The following CSMD1 variants were observed in gnomAD, a reference collection of about 807,000 sequenced individuals.
The protein encoded by CSMD1 is CUB and Sushi multiple domains 1, also known as CUB and sushi domain-containing protein 1.
Under a neutral mutation model 417.5 loss-of-function variants are expected in CSMD1, and 213 were observed. That is an observed-to-expected ratio of 0.51 (90% CI 0.46 to 0.57). The LOEUF (loss-of-function observed/expected upper bound fraction) is 0.57, where lower values mean the gene tolerates loss of function less well. CSMD1 is among the 20% of genes least tolerant of loss of function. The probability of loss-of-function intolerance (pLI) is 0.00; values close to 1 mark genes in which losing one functional copy is unlikely to be tolerated. For synonymous variants in CSMD1, 2,862 were observed against 1,736.8 expected (o/e 1.65, Z -16.11); for missense variants, 6,923 against 4,529.7 (o/e 1.53, Z -15.17).
At chr8:4,559,320 G>T (rs1296572546) in intron 2 of CSMD1, among the ~76,000 whole-genome samples, 2 of 152,066 alleles carry the variant, frequency 1.3e-5, no homozygotes, top group Non-Finnish European at 2.9e-5. Context: ...AATTACAGAT[G>T]ATTTAATTTT....
chr8:3,574,934 C>T lies in CSMD1; in HGVS notation c.1344+11G>A, dbSNP rs766346124. 6.5e-5 allele frequency: 104 copies of T among 1,610,920 alleles called. 1 individual carries two copies. The South Asian group carries it at 9.1e-4, about 14-fold the overall frequency. ...GTGCATTAACCACAGGGGTTGGAGG[C>T]GGAGCCTTACCTTGTCCGGGTCGGT... On this transcript the variant is annotated intron_variant, in intron 10 of 69. Transcript: ENST00000635120.
intron 37 of CSMD1, among the ~76,000 whole-genome samples, chr8:3,177,310 G>T (rs146143193): frequency 1.6e-3 from 244 of 152,298 alleles, no homozygotes; most frequent in African/African-American, 5.2e-3. Context: ...TAGGGGCACA[G>T]CTGGAGGCCA....
intron 3 of CSMD1, among the ~76,000 whole-genome samples, chr8:4,283,115 C>G (rs1287846888): frequency 1.3e-5 from 2 of 152,092 alleles, no homozygotes; most frequent in African/African-American, 4.8e-5. Context: ...GAAATTACTA[C>G]CAGTAATCAT....
intron 7 of CSMD1, among the ~76,000 whole-genome samples, chr8:3,692,259 T>C (rs1413562127): frequency 6.6e-6 from 1 of 152,144 alleles, no homozygotes; most frequent in African/African-American, 2.4e-5. Flanking sequence ...GTCGCTATCC[T>C]GCGATTTCAC....
At chr8:3,310,418 C>T (rs2117408244) in intron 23 of CSMD1, among the ~76,000 whole-genome samples, 1 of 152,260 alleles carries the variant, frequency 6.6e-6, no homozygotes, top group African/African-American at 2.4e-5. Context: ...TGGGGATGAC[C>T]ACCAGCAAAC....
chr8:4,177,947 C>T (rs1373096201), intron 3 of CSMD1, among the ~76,000 whole-genome samples: 5 of 152,188 alleles, frequency 3.3e-5, no homozygotes, highest in South Asian at 2.1e-4. Flanking sequence ...AATAGCTTAT[C>T]AACCAAAAAG....
At chr8:3,344,442 C>T (rs905995425) in intron 22 of CSMD1, among the ~76,000 whole-genome samples, 3 of 152,000 alleles carry the variant, frequency 2.0e-5, no homozygotes, top group Non-Finnish European at 2.9e-5. Context: ...CACACGTATC[C>T]CAGAGCTTAA....
At chr8:4,599,527 A>G (rs969281375) in intron 2 of CSMD1, among the ~76,000 whole-genome samples, 4 of 151,906 alleles carry the variant, frequency 2.6e-5, no homozygotes, top group African/African-American at 9.7e-5. Flanking sequence ...TTTTTACACT[A>G]AGTGCACAAT....
intron 3 of CSMD1, among the ~76,000 whole-genome samples, chr8:4,303,697 C>G (rs1798104460): frequency 6.6e-6 from 1 of 151,678 alleles, no homozygotes; most frequent in Admixed American, 6.6e-5. Context: ...GCTCTCTTGC[C>G]CAGACTGGAG....
intron 1 of CSMD1, among the ~76,000 whole-genome samples, chr8:4,673,461 G>A (rs547740908): frequency 3.9e-5 from 6 of 152,022 alleles, no homozygotes; most frequent in Non-Finnish European, 8.8e-5. Context: ...GATATCATTG[G>A]CCACATTATC....
chr8:4,277,778 C>T (rs1026847487), intron 3 of CSMD1, among the ~76,000 whole-genome samples: 2 of 152,162 alleles, frequency 1.3e-5, no homozygotes, highest in Admixed American at 1.3e-4. Context: ...GACGGAGTCT[C>T]ACTCTGTTGC....
At chr8:3,941,327 T>G (rs1810868237) in intron 5 of CSMD1, among the ~76,000 whole-genome samples, 1 of 152,114 alleles carries the variant, frequency 6.6e-6, no homozygotes, top group African/African-American at 2.4e-5. Context: ...CCTATGCCAT[T>G]TACAACTTTT....
At chr8:3,762,386 GC>G (rs1798056006) in intron 5 of CSMD1, among the ~76,000 whole-genome samples, 1 of 152,182 alleles carries the variant, frequency 6.6e-6, no homozygotes, top group Admixed American at 6.5e-5. Flanking sequence ...CTAAGATCAG[GC>G]AGCTCCTCCT....
intron 3 of CSMD1, among the ~76,000 whole-genome samples, chr8:4,082,001 A>AT (rs1800161821): frequency 6.6e-6 from 1 of 152,154 alleles, no homozygotes; most frequent in African/African-American, 2.4e-5. Flanking sequence ...ATAGGAAAAA[A>AT]ATATATAAAA....
At chr8:3,697,464 A>C (rs1031384132) in intron 7 of CSMD1, among the ~76,000 whole-genome samples, 2 of 152,194 alleles carry the variant, frequency 1.3e-5, no homozygotes, top group African/African-American at 2.4e-5. Context: ...TTGCTGACTT[A>C]GTTTGCTTGT....
intron 2 of CSMD1, among the ~76,000 whole-genome samples, chr8:4,468,032 G>T (rs1800294581): frequency 6.6e-6 from 1 of 150,948 alleles, no homozygotes; most frequent in Non-Finnish European, 1.5e-5. Flanking sequence ...TCTCACATGG[G>T]TTACTCAACA....
intron 3 of CSMD1, among the ~76,000 whole-genome samples, chr8:4,147,163 C>T (rs374218557): frequency 1.3e-5 from 2 of 151,910 alleles, no homozygotes; most frequent in East Asian, 1.9e-4. Context: ...TTCTACTCTC[C>T]CCCCCTGCCC....
At chr8:3,658,076 G>A (rs1798220250) in intron 7 of CSMD1, among the ~76,000 whole-genome samples, 2 of 152,220 alleles carry the variant, frequency 1.3e-5, no homozygotes, top group Non-Finnish European at 2.9e-5. Flanking sequence ...GAGGCATTCA[G>A]CACTGATTAT....
At chr8:3,959,107 T>G (rs759197255) in intron 5 of CSMD1, among the ~76,000 whole-genome samples, 17 of 152,206 alleles carry the variant, frequency 1.1e-4, no homozygotes, top group Admixed American at 2.0e-4. Context: ...GTCACATGCT[T>G]TCACTTTTAT....
Sources: allele counts gnomAD v4.1 joint callset (sites outside exome capture counted in the v4.1 genomes callset), GRCh38; gene constraint gnomAD v4.1.1; transcripts MANE v1.5; gene names NCBI Gene and HGNC (gene_info 2026-07-23, HGNC 2026-07-21).